Variants in CWC27 observed in about 807,000 individuals in gnomAD.
CWC27 encodes spliceosome-associated protein CWC27 homolog.
In CWC27, 47 loss-of-function variants were observed where a neutral mutation model predicts 63.6. The ratio of observed to expected loss-of-function variants is 0.74; its 90% CI spans 0.58 to 0.94. The LOEUF (loss-of-function observed/expected upper bound fraction) is 0.94. Among genes scored for constraint, CWC27 ranks in the 40% least tolerant of loss-of-function variants. The pLI, the probability that CWC27 is intolerant of heterozygous loss-of-function variation, is 0.00. For synonymous variants in CWC27, 175 were observed against 179.8 expected (o/e 0.97, Z 0.22); for missense variants, 495 against 554.3 (o/e 0.89, Z 1.07).
At chr5:64,795,006 G>A (rs564135895) in intron 7 of CWC27, among the ~76,000 whole-genome samples, 3 of 152,226 alleles carry the variant, frequency 2.0e-5, no homozygotes, top group Admixed American at 2.0e-4. Context: ...CCTACAAGAC[G>A]TAGTAACATT....
chr5:64,782,785 T>C (rs1250307772), intron 3 of CWC27, among the ~76,000 whole-genome samples: 1 of 152,216 alleles, frequency 6.6e-6, no homozygotes, highest in Non-Finnish European at 1.5e-5. Flanking sequence ...AAGAAAATAC[T>C]TGAACTGTTA....
chr5:64,971,899 T>C (rs1401851451), intron 12 of CWC27, 87 bp downstream of exon 12: 3 of 718,104 alleles, frequency 4.2e-6, no homozygotes, highest in Non-Finnish European at 6.6e-6. Flanking sequence ...TTTGATTATA[T>C]ATCAGGAGAA....
chr5:64,897,708 C>T (rs781389220), intron 11 of CWC27, among the ~76,000 whole-genome samples: 6 of 152,032 alleles, frequency 3.9e-5, no homozygotes, highest in Non-Finnish European at 8.8e-5. Flanking sequence ...TGTAACAAAC[C>T]TGCACATTGT....
intron 13 of CWC27, among the ~76,000 whole-genome samples, chr5:64,986,721 G>A (rs1233151352): frequency 4.6e-5 from 7 of 150,744 alleles, no homozygotes; most frequent in East Asian, 3.9e-4. Flanking sequence ...GTTTCTTACT[G>A]TCATGCTAAT....
intron 10 of CWC27, among the ~76,000 whole-genome samples, chr5:64,876,686 T>C (rs1212543623): frequency 6.6e-6 from 1 of 152,100 alleles, no homozygotes; most frequent in Non-Finnish European, 1.5e-5. Flanking sequence ...AGTGCTTGAC[T>C]TCATCACCCT....
chr5:64,853,345 A>T (rs555513236), intron 10 of CWC27, among the ~76,000 whole-genome samples: 1 of 152,352 alleles, frequency 6.6e-6, no homozygotes, highest in African/African-American at 2.4e-5. Flanking sequence ...TCAACAGATG[A>T]CCAAGAATTT....
At chr5:64,991,346 T>A (rs1749533222) in intron 13 of CWC27, among the ~76,000 whole-genome samples, 1 of 151,968 alleles carries the variant, frequency 6.6e-6, no homozygotes, top group East Asian at 1.9e-4. Context: ...ACATGTTAGA[T>A]ATTTACCTGA....
At chr5:64,895,382 G>A (rs1284804610) in intron 11 of CWC27, among the ~76,000 whole-genome samples, 1 of 151,804 alleles carries the variant, frequency 6.6e-6, no homozygotes, top group African/African-American at 2.4e-5. Context: ...GGACATCATG[G>A]TCACTTTCAA....
At chr5:64,777,818 T>G (rs1462565873) in intron 2 of CWC27, among the ~76,000 whole-genome samples, 2 of 152,092 alleles carry the variant, frequency 1.3e-5, no homozygotes, top group African/African-American at 4.8e-5. Context: ...TATAAATGCA[T>G]AGTTCAATAG....
At chr5:64,878,644 G>T (rs2112334625) in intron 10 of CWC27, among the ~76,000 whole-genome samples, 1 of 151,820 alleles carries the variant, frequency 6.6e-6, no homozygotes, top group Admixed American at 6.6e-5. Context: ...ATACTCAAGT[G>T]CCACTTTTTC....
At chr5:64,834,350 T>C (rs537273096) in intron 10 of CWC27, among the ~76,000 whole-genome samples, 80 of 151,832 alleles carry the variant, frequency 5.3e-4, no homozygotes, top group African/African-American at 1.9e-3. Context: ...TATTCTTTTA[T>C]GTATCATAAA....
At chr5:64,870,471 C>T (rs1746641907) in intron 10 of CWC27, among the ~76,000 whole-genome samples, 2 of 113,344 alleles carry the variant, frequency 1.8e-5, no homozygotes, top group Non-Finnish European at 1.7e-5. Flanking sequence ...CAAGTGGATT[C>T]TTAAATTGGT....
intron 11 of CWC27, among the ~76,000 whole-genome samples, chr5:64,933,225 A>G (rs1037169097): frequency 2.6e-5 from 4 of 152,212 alleles, no homozygotes; most frequent in African/African-American, 9.6e-5. Flanking sequence ...AGGAGCTGGC[A>G]TAGGGTCTTA....
chr5:64,822,084 A>G (rs1470459113), intron 10 of CWC27, among the ~76,000 whole-genome samples: 4 of 152,212 alleles, frequency 2.6e-5, no homozygotes, highest in African/African-American at 9.7e-5. Context: ...AAAACAATAC[A>G]AAGATTTAAA....
chr5:64,823,675 A>G (rs1217636429), intron 10 of CWC27, among the ~76,000 whole-genome samples: 2 of 152,188 alleles, frequency 1.3e-5, no homozygotes, highest in East Asian at 3.8e-4. Flanking sequence ...GTATAAACAG[A>G]CTGAGCACTC....
chr5:64,885,306 A>T, intron 10 of CWC27, 137 bp from the exon 11 acceptor site: 1 of 573,372 alleles, frequency 1.7e-6, no homozygotes, highest in Admixed American at 3.3e-5. Context: ...ACAAGTATAC[A>T]TACACAGAAA....
chr5:64,855,453 T>G (rs567797444), intron 10 of CWC27, among the ~76,000 whole-genome samples: 1 of 152,284 alleles, frequency 6.6e-6, no homozygotes, highest in Non-Finnish European at 1.5e-5. Flanking sequence ...GTTCTATGTT[T>G]AAAATAAAGA....
chr5:64,923,100 G>A (rs1437315903), intron 11 of CWC27, among the ~76,000 whole-genome samples: 1 of 152,106 alleles, frequency 6.6e-6, no homozygotes, highest in South Asian at 2.1e-4. Context: ...CTGCAGCAGG[G>A]GTGCAAATGT....
rs1308963869 is a variant in CWC27 at position 64,774,076 on chromosome 5, C to T, written c.43-615C>T. On this transcript the variant is annotated intron_variant, in intron 1 of 13. Transcript: ENST00000381070. ...TAATGGGTTCATTATTCTTTAATTT[C>T]TTAATTTGCTACACAGTTTTATTGG... Among the ~76,000 whole-genome samples the T allele has an allele frequency of 3.3e-5, 5 of 152,128 alleles. No individual in the cohort carries two copies. The East Asian group carries it at 9.6e-4, about 29-fold the overall frequency.
Sources: gnomAD v4.1 joint callset for allele counts (sites outside exome capture counted in the v4.1 genomes callset) on GRCh38, gnomAD v4.1.1 for gene constraint, MANE v1.5 for transcripts, NCBI Gene and HGNC (gene_info 2026-07-23, HGNC 2026-07-21) for gene names.